The following GPC6 variants were observed in gnomAD, a reference collection of about 807,000 sequenced individuals.
GPC6 encodes the protein glypican 6.
In GPC6, 14 loss-of-function variants were observed where a neutral mutation model predicts 55.2. The ratio of observed to expected loss-of-function variants is 0.25; its 90% CI spans 0.17 to 0.40. The LOEUF (loss-of-function observed/expected upper bound fraction) is 0.40, where lower values mean the gene tolerates loss of function less well. GPC6 is among the 10% of genes least tolerant of loss of function. GPC6 has a pLI of 1.00. For missense variants in GPC6, 641 were observed against 708.5 expected (o/e 0.90, Z 1.08); for synonymous variants, 278 against 259.6 (o/e 1.07, Z -0.68).
intron 3 of GPC6, among the ~76,000 whole-genome samples, chr13:93,885,025 A>G (rs937892230): frequency 2.0e-5 from 3 of 152,070 alleles, no homozygotes; most frequent in Non-Finnish European, 2.9e-5. Flanking sequence ...ATGAATGCCT[A>G]TTCTATCAGG....
intron 2 of GPC6, among the ~76,000 whole-genome samples, chr13:93,731,243 T>C (rs1465581334): frequency 6.6e-6 from 1 of 152,158 alleles, no homozygotes; most frequent in Non-Finnish European, 1.5e-5. Flanking sequence ...TATGGCTCTT[T>C]CTGGATCTGA....
At chr13:93,538,350 A>C (rs1430330042) in intron 1 of GPC6, among the ~76,000 whole-genome samples, 1 of 152,152 alleles carries the variant, frequency 6.6e-6, no homozygotes, top group Non-Finnish European at 1.5e-5. Context: ...TGTTCATAGA[A>C]CTGGAAATGT....
At chr13:94,262,914 T>C (rs563344328) in intron 4 of GPC6, among the ~76,000 whole-genome samples, 1 of 152,274 alleles carries the variant, frequency 6.6e-6, no homozygotes, top group Non-Finnish European at 1.5e-5. Flanking sequence ...TTGAGAGTAA[T>C]AACAAAACAT....
chr13:94,255,574 C>A (rs1468631882), intron 4 of GPC6, among the ~76,000 whole-genome samples: 2 of 152,112 alleles, frequency 1.3e-5, no homozygotes, highest in African/African-American at 4.8e-5. Flanking sequence ...AATTGTCCCT[C>A]CTCTTTTTCT....
intron 4 of GPC6, among the ~76,000 whole-genome samples, chr13:94,079,246 C>G (rs1159103569): frequency 2.0e-5 from 3 of 151,948 alleles, no homozygotes; most frequent in African/African-American, 4.8e-5. Flanking sequence ...CCAAGGATAC[C>G]GAGGAAGGAC....
At chr13:93,341,412 GT>G (rs1880250142) in intron 1 of GPC6, among the ~76,000 whole-genome samples, 1 of 152,108 alleles carries the variant, frequency 6.6e-6, no homozygotes, top group African/African-American at 2.4e-5. Flanking sequence ...AACATCTATT[GT>G]TTTTTGACTT....
chr13:93,392,832 C>T (rs942029730), intron 1 of GPC6, among the ~76,000 whole-genome samples: 3 of 152,026 alleles, frequency 2.0e-5, no homozygotes, highest in African/African-American at 2.4e-5. Context: ...GGGAAGACAC[C>T]GGTCAGGTTT....
chr13:94,278,753 T>G (rs925626838), intron 4 of GPC6, among the ~76,000 whole-genome samples: 7 of 152,224 alleles, frequency 4.6e-5, no homozygotes, highest in African/African-American at 1.4e-4. Context: ...GATTTGTATA[T>G]GTTGAGCCAG....
chr13:93,472,920 A>G (rs1008450490), intron 1 of GPC6, among the ~76,000 whole-genome samples: 1 of 152,198 alleles, frequency 6.6e-6, no homozygotes, highest in African/African-American at 2.4e-5. Context: ...CTAGCAGAGA[A>G]GGTAGCTCTT....
chr13:94,018,451 G>A (rs770321859), intron 3 of GPC6, among the ~76,000 whole-genome samples: 1 of 151,866 alleles, frequency 6.6e-6, no homozygotes, highest in South Asian at 2.1e-4. Flanking sequence ...CACCACATCC[G>A]GCTAATTGTT....
At chr13:93,586,303 A>T (rs1421085825) in intron 2 of GPC6, among the ~76,000 whole-genome samples, 1 of 152,160 alleles carries the variant, frequency 6.6e-6, no homozygotes, top group Admixed American at 6.5e-5. Context: ...CATTCATTTT[A>T]TGGCTGCATA....
intron 2 of GPC6, among the ~76,000 whole-genome samples, chr13:93,705,336 T>C (rs1882813171): frequency 6.6e-6 from 1 of 151,896 alleles, no homozygotes; most frequent in Admixed American, 6.6e-5. Context: ...AGAATAGAAA[T>C]TGAGAGAAAA....
intron 3 of GPC6, among the ~76,000 whole-genome samples, chr13:93,958,151 C>T (rs892109077): frequency 3.9e-5 from 6 of 152,058 alleles, no homozygotes; most frequent in Non-Finnish European, 8.8e-5. Context: ...ATATTTTCTC[C>T]CATTCTGTAG....
At chr13:94,324,687 A>G (rs1422937945) in intron 6 of GPC6, among the ~76,000 whole-genome samples, 1 of 142,666 alleles carries the variant, frequency 7.0e-6, no homozygotes, top group African/African-American at 2.7e-5. Context: ...AGGAACCAGA[A>G]CAAGACCTGG....
intron 1 of GPC6, among the ~76,000 whole-genome samples, chr13:93,246,442 G>C (rs1377819025): frequency 6.6e-6 from 1 of 151,964 alleles, no homozygotes; most frequent in Non-Finnish European, 1.5e-5. Context: ...CAGTGATGTT[G>C]AGGCAACCAT....
intron 4 of GPC6, among the ~76,000 whole-genome samples, chr13:94,049,918 T>A (rs1355802283): frequency 6.6e-6 from 1 of 152,102 alleles, no homozygotes; most frequent in Non-Finnish European, 1.5e-5. Context: ...ACTGTTCTTA[T>A]GGTAGTGAAT....
chr13:93,403,650 A>G (rs1446920730), intron 1 of GPC6, among the ~76,000 whole-genome samples: 2 of 152,170 alleles, frequency 1.3e-5, no homozygotes, highest in Non-Finnish European at 2.9e-5. Flanking sequence ...TCATGTGATC[A>G]TCTCTGCTGA....
chr13:94,027,978 T>C (rs1882968089), intron 4 of GPC6, 84 bp downstream of exon 4: 3 of 1,244,446 alleles, frequency 2.4e-6, no homozygotes, highest in Non-Finnish European at 3.5e-6. Flanking sequence ...TCAGAAGTTA[T>C]AAGAAACCAG....
chr13:94,053,603 A>G (rs1227744820), intron 4 of GPC6, among the ~76,000 whole-genome samples: 2 of 152,162 alleles, frequency 1.3e-5, no homozygotes, highest in Non-Finnish European at 2.9e-5. Context: ...ACTTGTCCCA[A>G]CATAATTATA....
Sources: allele counts gnomAD v4.1 joint callset (sites outside exome capture counted in the v4.1 genomes callset), GRCh38; gene constraint gnomAD v4.1.1; transcripts MANE v1.5; gene names NCBI Gene and HGNC (gene_info 2026-07-23, HGNC 2026-07-21).